The following TMEM74B variants were observed in gnomAD, a reference collection of about 807,000 sequenced individuals.
TMEM74B encodes transmembrane protein C20orf46.
Under a neutral mutation model 6.5 loss-of-function variants are expected in TMEM74B, and 7 were observed. The observed-to-expected ratio is 1.07, with a 90% CI of 0.61 to 2.01. TMEM74B has a LOEUF of 2.01. Among genes scored for constraint, TMEM74B ranks in the 30% most tolerant of loss-of-function variants. The probability of loss-of-function intolerance (pLI) is 0.00; values close to 1 mark genes in which losing one functional copy is unlikely to be tolerated. For missense variants in TMEM74B, 342 were observed against 337.0 expected (o/e 1.01, Z -0.12); for synonymous variants, 151 against 151.6 (o/e 1.00, Z 0.03).
At chr20:1,187,771 A>G (rs1006885056), upstream of TMEM74B, among the ~76,000 whole-genome samples, 2 of 152,194 alleles carry the variant, frequency 1.3e-5, no homozygotes, top group Non-Finnish European at 2.9e-5. Flanking sequence ...TATGGTTGTC[A>G]TGGAGGGCCT....
rs2122662883 is a variant in TMEM74B at position 1,181,770 on chromosome 20, C to G, written c.32-183G>C. On this transcript the variant is annotated intron_variant, in intron 2 of 2. Transcript: ENST00000429036. The surrounding 1 kb of genome is among the most constrained non-coding windows in gnomAD (Gnocchi z 4.9). The stretch of plus-strand genomic sequence containing the variant: ...GAACAGTGTGATCCAAGCCCAGATC[C>G]CACTCTACCACCGGGTGGGGTATGG... 6.6e-6 allele frequency among the ~76,000 whole-genome samples: 1 copy of G among 152,238 alleles called. No individual in the cohort carries two copies. The highest frequency in any genetic ancestry group is 1.5e-5 in the Non-Finnish European group (1 of 68,030).
At chr20:1,187,468 A>G (rs1237786684), upstream of TMEM74B, among the ~76,000 whole-genome samples, 2 of 152,366 alleles carry the variant, frequency 1.3e-5, no homozygotes, top group African/African-American at 4.8e-5. Context: ...CCCTACACTC[A>G]GGAAGCTTGT....
At chr20:1,188,487 C>CCA (rs113443126), upstream of TMEM74B, among the ~76,000 whole-genome samples, 2,753 of 148,350 alleles carry the variant, frequency 0.019, 85 homozygotes, top group African/African-American at 0.065. Context: ...ACTACACACA[C>CCA]CACACACACT....
At position 1,181,159 on chromosome 20, in the gene TMEM74B, CTG is replaced by C. The variant is rs1383192405; in HGVS notation, c.458_459del (p.Thr153SerfsTer71). 2 of 1,614,208 alleles carry C rather than the reference CTG, an allele frequency of 1.2e-6. No individual in the cohort carries two copies. The highest frequency in any genetic ancestry group is 1.7e-6 in the Non-Finnish European group (2 of 1,180,036). ...IPREARVNPD[T>X]VTAREMERLE... ...AGTCGTTCCATCTCCCGCGCTGTCA[CTG>C]TGTCCGGATTGACTCGAGCCTCACG... On this transcript the variant is annotated frameshift_variant, in exon 3 of 3. Transcript: ENST00000429036. LOFTEE classifies it high-confidence loss of function. This position sits in a 1 kb window ranked among gnomAD's most constrained non-coding sequence, Gnocchi z 4.9.
chr20:1,183,989 G>A, intron 1 of TMEM74B, 41 bp from the exon 2 acceptor site: 1 of 616,688 alleles, frequency 1.6e-6, no homozygotes, highest in Non-Finnish European at 2.7e-6. Context: ...GTGTTTGTTG[G>A]TTGGCTTTTT....
rs778408590 is a variant in TMEM74B at position 1,180,989 on chromosome 20, G to T, written c.630C>A (p.Phe210Leu). The T allele has an allele frequency of 1.2e-6, 2 of 1,614,096 alleles. No individual in the cohort carries two copies. Among genetic ancestry groups the T allele is most frequent in the Non-Finnish European group, 1.7e-6 (2 of 1,180,002 alleles). The change falls in exon 3 of 3, where the codon TTC (phenylalanine) becomes TTA (leucine). Residue 210 changes from phenylalanine (F) to leucine (L), a missense_variant. Phe to Leu is a conservative substitution (Grantham distance 22, BLOSUM62 0). Coordinates refer to ENST00000429036, the MANE Select transcript of TMEM74B (RefSeq NM_001304748.2). This position sits in a 1 kb window ranked among gnomAD's most constrained non-coding sequence, Gnocchi z 6.1. ...TCTTCCTGGAGCCCTTGCCGGGGACGAAGGTCCTCCGGCGGTACAGCTCGC... is the reference window on the plus strand; with the variant it reads ...TCTTCCTGGAGCCCTTGCCGGGGACTAAGGTCCTCCGGCGGTACAGCTCGC... ...CKGELYRRRT[F>L]VPGKGSRKTY...
Position 1,183,839 on chromosome 20 carries a change from C to T in TMEM74B, c.-38G>A. 6.2e-7 allele frequency: 1 copy of T among 1,612,390 alleles called. No individual in the cohort carries two copies. Among genetic ancestry groups the T allele is most frequent in the Non-Finnish European group, 8.5e-7 (1 of 1,179,372 alleles). Reference sequence around the variant, plus strand: ...CTTCCCTGGCTCTGCATCCCTCACTCATAGACTCTTCATTTTATCCAGCTG... The same window carrying T: ...CTTCCCTGGCTCTGCATCCCTCACTTATAGACTCTTCATTTTATCCAGCTG... On this transcript the variant is annotated 5_prime_UTR_variant, in exon 2 of 3. The change abolishes an upstream ATG in the 5' untranslated region. Coordinates refer to ENST00000429036, the MANE Select transcript of TMEM74B (RefSeq NM_001304748.2).
chr20:1,180,999 C>T lies in TMEM74B; in HGVS notation c.620G>A (p.Arg207Gln), dbSNP rs867466760. ...GCCCTTGCCGGGGACGAAGGTCCTCCGGCGGTACAGCTCGCCCTTGCACAG... is the reference window on the plus strand; with the variant it reads ...GCCCTTGCCGGGGACGAAGGTCCTCTGGCGGTACAGCTCGCCCTTGCACAG... ...VSLCKGELYR[R>Q]RTFVPGKGSR... The change falls in exon 3 of 3, where the codon CGG becomes CAG. Residue 207 changes from arginine to glutamine, a missense_variant. Coordinates refer to ENST00000429036, the MANE Select transcript of TMEM74B (RefSeq NM_001304748.2). The surrounding 1 kb of genome is among the most constrained non-coding windows in gnomAD (Gnocchi z 6.1). 58 of 1,613,912 alleles carry T rather than the reference C, an allele frequency of 3.6e-5. No individual in the cohort carries two copies. The highest frequency in any genetic ancestry group is 5.3e-5 in the African/African-American group (4 of 74,906).
chr20:1,185,420 G>T (rs1004866577), upstream of TMEM74B: 15 of 151,556 alleles, frequency 9.9e-5, no homozygotes, highest in Non-Finnish European at 2.1e-4. Flanking sequence ...CTGTACGGCG[G>T]CGGTGGCGGC....
chr20:1,182,365 C>T (rs1019212235), intron 2 of TMEM74B, among the ~76,000 whole-genome samples: 7 of 151,800 alleles, frequency 4.6e-5, no homozygotes, highest in South Asian at 2.1e-4. Context: ...CAGCTGGGGC[C>T]GGCTCACAGA....
Position 1,180,574 on chromosome 20 carries a change from G to T in TMEM74B, c.*274C>A, listed in dbSNP as rs2086835620. ...GAAACCTCATCCTCCAAGAGCAGCGGTTTCCAAACTTTTGTATTTTTAGCA... is the reference window on the plus strand; with the variant it reads ...GAAACCTCATCCTCCAAGAGCAGCGTTTTCCAAACTTTTGTATTTTTAGCA... On this transcript the variant is annotated 3_prime_UTR_variant, in exon 3 of 3. Coordinates refer to ENST00000429036, the MANE Select transcript of TMEM74B (RefSeq NM_001304748.2). This position sits in a 1 kb window ranked among gnomAD's most constrained non-coding sequence, Gnocchi z 6.1. 1 of 369,674 alleles carries T rather than the reference G, an allele frequency of 2.7e-6. No individual in the cohort carries two copies. The allele number at this position is 369,674 out of a possible 1,614,324, so 22.9% of individuals were successfully genotyped here.
Position 1,181,455 on chromosome 20 carries a change from G to C in TMEM74B, c.164C>G (p.Thr55Ser). The part of the protein sequence containing the change: ...RSAPLGPVAP[T>S]REGVENACFS... ...GCAGGCATTCTCCACACCCTCCCTGGTTGGGGCCACTGGGCCCAGGGGAGC... is the reference window on the plus strand; with the variant it reads ...GCAGGCATTCTCCACACCCTCCCTGCTTGGGGCCACTGGGCCCAGGGGAGC... The change falls in exon 3 of 3, where the codon ACC (threonine) becomes AGC (serine). Residue 55 changes from threonine to serine, a missense_variant. Coordinates refer to ENST00000429036, the MANE Select transcript of TMEM74B (RefSeq NM_001304748.2). This position sits in a 1 kb window ranked among gnomAD's most constrained non-coding sequence, Gnocchi z 4.9. 6.6e-7 allele frequency: 1 copy of C among 1,514,540 alleles called. No individual in the cohort carries two copies. The highest frequency in any genetic ancestry group is 2.3e-5 in the East Asian group (1 of 43,710). 93.8% of individuals were successfully genotyped at this position (1,514,540 alleles called of 1,614,324 possible).
Position 1,181,366 on chromosome 20 carries a change from G to A in TMEM74B, c.253C>T (p.Pro85Ser). The A allele has an allele frequency of 6.4e-7, 1 of 1,556,074 alleles. No homozygotes were observed. The highest frequency in any genetic ancestry group is 1.2e-5 in the South Asian group (1 of 81,664). The stretch of plus-strand genomic sequence containing the variant: ...GAGGAGACACCCCCAGGGGGACTGG[G>A]TGAGCTGCCCAGTCTCGTGTTCCCA... ...NPGNTRLGSS[P>S]SPPGGVSSLP... Residue 85 changes from proline to serine, a missense_variant, in exon 3 of 3, where the codon CCC (proline) becomes TCC (serine). Physicochemically the swap from Pro to Ser is moderately conservative, Grantham distance 74. Coordinates refer to ENST00000429036, the MANE Select transcript of TMEM74B (RefSeq NM_001304748.2). This position sits in a 1 kb window ranked among gnomAD's most constrained non-coding sequence, Gnocchi z 4.9.
chr20:1,182,498 G>A (rs1328830653), intron 2 of TMEM74B, among the ~76,000 whole-genome samples: 2 of 151,870 alleles, frequency 1.3e-5, no homozygotes, highest in Non-Finnish European at 2.9e-5. Flanking sequence ...AGTGGAGGAT[G>A]GGGGTCCAGC....
chr20:1,188,362 T>C (rs181534603), upstream of TMEM74B, among the ~76,000 whole-genome samples: 8 of 151,596 alleles, frequency 5.3e-5, no homozygotes, highest in Admixed American at 1.3e-4. Flanking sequence ...CAGGAAACAC[T>C]ACAAGATGAG....
upstream of TMEM74B, chr20:1,189,194 A>G (rs992928250): frequency 3.9e-5 from 6 of 152,328 alleles, no homozygotes; most frequent in Middle Eastern, 3.4e-3. The surrounding 1 kb of genome is among the most constrained non-coding windows in gnomAD (Gnocchi z 4.5). Context: ...CATCAGATAA[A>G]CATCAGACAA....
At chr20:1,185,947 A>T (rs1227037931), upstream of TMEM74B, 1 of 152,128 alleles carries the variant, frequency 6.6e-6, no homozygotes, top group Admixed American at 6.6e-5. Flanking sequence ...GGCTGCAAGA[A>T]AGAATCCGAC....
chr20:1,182,999 G>T (rs866254709), intron 2 of TMEM74B, among the ~76,000 whole-genome samples: 1 of 152,184 alleles, frequency 6.6e-6, no homozygotes, highest in Non-Finnish European at 1.5e-5. Flanking sequence ...GGCAATCGGG[G>T]CTCTTAGGCA....
upstream of TMEM74B, among the ~76,000 whole-genome samples, chr20:1,186,922 A>G (rs537795775): frequency 1.4e-3 from 217 of 152,256 alleles, 1 homozygote; most frequent in African/African-American, 5.1e-3. Flanking sequence ...GGTGTAAAGG[A>G]CTGCCCTCCT....
Sources: allele counts gnomAD v4.1 joint callset (sites outside exome capture counted in the v4.1 genomes callset), GRCh38; gene constraint gnomAD v4.1.1; non-coding constraint Gnocchi (gnomAD v3.1); transcripts MANE v1.5; gene names NCBI Gene and HGNC (gene_info 2026-07-23, HGNC 2026-07-21).